Variants in PCDH15 observed in about 807,000 individuals in gnomAD.
The protein encoded by PCDH15 is protocadherin-15.
A neutral mutation model predicts 178.5 loss-of-function variants in PCDH15; 129 were observed. That is an observed-to-expected ratio of 0.72 (90% CI 0.63 to 0.84). The LOEUF (loss-of-function observed/expected upper bound fraction) is 0.84. Among genes scored for constraint, PCDH15 ranks in the 40% least tolerant of loss-of-function variants. The pLI is 0.00. For synonymous variants in PCDH15, 800 were observed against 732.0 expected, an observed-to-expected ratio of 1.09 and a Z score of -1.50; for missense variants, 2,230 against 2,099.9, an observed-to-expected ratio of 1.06 and a Z score of -1.21.
intron 2 of PCDH15, among the ~76,000 whole-genome samples, chr10:55,160,743 C>A (rs1427859481): frequency 6.6e-6 from 1 of 152,032 alleles, no homozygotes; most frequent in Non-Finnish European, 1.5e-5. Flanking sequence ...CTACCATCGC[C>A]ACCTCCTTTT....
intron 13 of PCDH15, among the ~76,000 whole-genome samples, chr10:54,182,227 A>C (rs933180753): frequency 6.6e-6 from 1 of 152,190 alleles, no homozygotes; most frequent in South Asian, 2.1e-4. Flanking sequence ...TCGGCCTCCC[A>C]AAGTGCTAGG....
intron 1 of PCDH15, among the ~76,000 whole-genome samples, chr10:54,672,475 C>T (rs112320009): frequency 3.3e-5 from 5 of 152,204 alleles, no homozygotes; most frequent in African/African-American, 9.6e-5. Flanking sequence ...AGTCTTAGCA[C>T]ATTGGAGAAA....
At chr10:54,957,509 A>AT in intron 2 of PCDH15, among the ~76,000 whole-genome samples, 1 of 151,718 alleles carries the variant, frequency 6.6e-6, no homozygotes, top group Admixed American at 6.6e-5. Context: ...GCTGAGTAGC[A>AT]TTTTAAGGAA....
intron 2 of PCDH15, among the ~76,000 whole-genome samples, chr10:54,624,110 G>A (rs1360927649): frequency 5.3e-5 from 8 of 152,022 alleles, no homozygotes; most frequent in Non-Finnish European, 1.0e-4. Context: ...TTGCTCATGC[G>A]GAAATATGTT....
intron 1 of PCDH15, among the ~76,000 whole-genome samples, chr10:54,706,906 G>C (rs1040114802): frequency 6.6e-6 from 1 of 152,172 alleles, no homozygotes; most frequent in African/African-American, 2.4e-5. Context: ...ACAGGCATGA[G>C]CCATGGCGCC....
intron 3 of PCDH15, among the ~76,000 whole-genome samples, chr10:54,425,999 T>C (rs1262344504): frequency 6.6e-6 from 1 of 152,106 alleles, no homozygotes; most frequent in Non-Finnish European, 1.5e-5. Flanking sequence ...TTAATCTCTA[T>C]CAGAGAAGAT....
intron 1 of PCDH15, among the ~76,000 whole-genome samples, chr10:55,281,704 G>A (rs1842738468): frequency 6.6e-6 from 1 of 151,884 alleles, no homozygotes. Flanking sequence ...TATTAACCTG[G>A]CTCACAAAAA....
intron 2 of PCDH15, among the ~76,000 whole-genome samples, chr10:54,909,761 A>C (rs1954788123): frequency 6.6e-6 from 1 of 152,098 alleles, no homozygotes; most frequent in Non-Finnish European, 1.5e-5. Context: ...CCTGGGGAGC[A>C]GACACTGGCT....
intron 1 of PCDH15, among the ~76,000 whole-genome samples, chr10:54,726,419 G>GT (rs1366817495): frequency 3.1e-4 from 6 of 19,462 alleles, no homozygotes; most frequent in East Asian, 4.1e-4. Flanking sequence ...ACCCATCAGG[G>GT]GTGTGTGTGT....
chr10:54,165,045 T>C (rs1419786658), intron 13 of PCDH15, among the ~76,000 whole-genome samples: 1 of 152,224 alleles, frequency 6.6e-6, no homozygotes, highest in Non-Finnish European at 1.5e-5. Context: ...TTTGCTTTTA[T>C]GTTTGTTGAT....
chr10:55,271,466 T>C (rs1242819392), intron 1 of PCDH15, among the ~76,000 whole-genome samples: 2 of 152,072 alleles, frequency 1.3e-5, no homozygotes, highest in African/African-American at 2.4e-5. Context: ...GAAAGGGCTA[T>C]GAGCAATGAA....
At chr10:54,791,970 C>G (rs188647905) in intron 1 of PCDH15, among the ~76,000 whole-genome samples, 303 of 151,922 alleles carry the variant, frequency 2.0e-3, no homozygotes, top group Middle Eastern at 3.4e-3. Flanking sequence ...CACAAAAGCC[C>G]TGTACACAAC....
At chr10:54,565,114 TA>T (rs781246863) in intron 2 of PCDH15, among the ~76,000 whole-genome samples, 7 of 152,198 alleles carry the variant, frequency 4.6e-5, no homozygotes, top group Non-Finnish European at 1.0e-4. Context: ...ACTTGGATTC[TA>T]ATCACATCTT....
chr10:54,220,274 T>A (rs1358939266), intron 9 of PCDH15, among the ~76,000 whole-genome samples: 1 of 152,208 alleles, frequency 6.6e-6, no homozygotes, highest in African/African-American at 2.4e-5. Context: ...ATCTATCTCA[T>A]CTAAGTTTCA....
intron 1 of PCDH15, among the ~76,000 whole-genome samples, chr10:54,711,600 A>G (rs1052062379): frequency 8.6e-5 from 13 of 151,998 alleles, no homozygotes; most frequent in Admixed American, 7.2e-4. Flanking sequence ...ATTTTCCAAC[A>G]TTTTATTAAA....
chr10:54,023,588 T>C (rs919012316), intron 18 of PCDH15, among the ~76,000 whole-genome samples: 4 of 148,708 alleles, frequency 2.7e-5, no homozygotes, highest in Admixed American at 6.8e-5. Context: ...TTTTGCTCAC[T>C]GTATATATTC....
rs1207923100 is a variant in PCDH15 at position 54,195,832 on chromosome 10, G to C, written c.1156C>G (p.Leu386Val). ...PAFAGLHIEILDENNQSPYFT... is the reference protein window; with the variant it reads ...PAFAGLHIEIVDENNQSPYFT... ...TATGGACTTTGATTGTTTTCATCCAGTATTTCAATGTGTAGACCGGCAAAG... is the reference window on the plus strand; with the variant it reads ...TATGGACTTTGATTGTTTTCATCCACTATTTCAATGTGTAGACCGGCAAAG... Residue 386 changes from leucine to valine, a missense_variant, in exon 11 of 38, where the codon CTG (leucine) becomes GTG (valine). Coordinates refer to ENST00000644397, the MANE Select transcript of PCDH15 (RefSeq NM_001384140.1). The C allele has an allele frequency of 1.2e-6, 2 of 1,614,024 alleles. No individual in the cohort carries two copies. The highest frequency in any genetic ancestry group is 1.3e-5 in the African/African-American group (1 of 75,038).
chr10:54,517,748 C>A (rs1032022192), intron 3 of PCDH15, among the ~76,000 whole-genome samples: 1 of 152,126 alleles, frequency 6.6e-6, no homozygotes, highest in African/African-American at 2.4e-5. Flanking sequence ...CCCAAATCAA[C>A]AGAATATACA....
intron 3 of PCDH15, among the ~76,000 whole-genome samples, chr10:54,511,525 A>C (rs907482223): frequency 1.3e-5 from 2 of 152,088 alleles, no homozygotes; most frequent in African/African-American, 2.4e-5. Context: ...ATCTTGATTC[A>C]TATTGATTAT....
Sources: allele counts gnomAD v4.1 joint callset (sites outside exome capture counted in the v4.1 genomes callset), GRCh38; gene constraint gnomAD v4.1.1; transcripts MANE v1.5; gene names NCBI Gene and HGNC (gene_info 2026-07-23, HGNC 2026-07-21).